The following OR9Q1 variants were observed in gnomAD, a reference collection of about 807,000 sequenced individuals.
OR9Q1 encodes olfactory receptor 9Q1.
For synonymous variants in OR9Q1, 153 were observed against 148.6 expected, an observed-to-expected ratio of 1.03 and a Z score of -0.22; for missense variants, 374 against 378.8, an observed-to-expected ratio of 0.99 and a Z score of 0.11.
At chr11:58,115,355 G>C (rs939623407) in intron 2 of OR9Q1, among the ~76,000 whole-genome samples, 4 of 152,102 alleles carry the variant, frequency 2.6e-5, no homozygotes, top group Non-Finnish European at 5.9e-5. Flanking sequence ...CCTAATTCAA[G>C]AGGATATTGT....
intron 2 of OR9Q1, among the ~76,000 whole-genome samples, chr11:58,113,758 C>T (rs1853924524): frequency 6.6e-6 from 1 of 152,112 alleles, no homozygotes; most frequent in Non-Finnish European, 1.5e-5. Flanking sequence ...TTATGGAAGA[C>T]AGAACTGAAG....
Position 58,070,427 on chromosome 11 carries a change from C to T in OR9Q1, c.-15+14480C>T, listed in dbSNP as rs185463251. ...CCTGGCGTGTACACCGTGTCACCCA[C>T]CACCCCACACACTCCTAGGTGTCTG... On this transcript the variant is annotated intron_variant, in intron 2 of 2. Coordinates refer to ENST00000335397, the MANE Select transcript of OR9Q1 (RefSeq NM_001005212.4). Among the ~76,000 whole-genome samples the T allele has an allele frequency of 3.9e-5, 6 of 152,222 alleles. No homozygotes were observed. In the East Asian group the frequency reaches 7.7e-4, roughly 20 times the overall value.
rs201758440 is a variant in OR9Q1, at chr11:58,104,830, C to T, written c.-15+48883C>T. Among the ~76,000 whole-genome samples, 21 of 152,242 alleles carry T rather than the reference C, an allele frequency of 1.4e-4. No homozygotes were observed. The East Asian group carries it at 3.9e-3, about 28-fold the overall frequency. Reference sequence around the variant, plus strand: ...CAGTATAGCTATTAAAATGGTGGGGCTTCTTTAATCCTGGGTGCCTGAATG... The same window carrying T: ...CAGTATAGCTATTAAAATGGTGGGGTTTCTTTAATCCTGGGTGCCTGAATG... On this transcript the variant is annotated intron_variant, in intron 2 of 2. Coordinates refer to ENST00000335397, the MANE Select transcript of OR9Q1 (RefSeq NM_001005212.4).
At chr11:58,090,158 C>A (rs118111661) in intron 2 of OR9Q1, among the ~76,000 whole-genome samples, 30 of 152,220 alleles carry the variant, frequency 2.0e-4, no homozygotes, top group South Asian at 1.2e-3. Flanking sequence ...TGTCTGATTG[C>A]GCTGGTCAGA....
At chr11:58,122,348 A>G (rs779945522) in intron 2 of OR9Q1, among the ~76,000 whole-genome samples, 4 of 152,190 alleles carry the variant, frequency 2.6e-5, no homozygotes, top group African/African-American at 4.8e-5. Context: ...CCTTCATGGT[A>G]TGGTTCAAGC....
intron 1 of OR9Q1, chr11:58,031,243 T>C: frequency 6.2e-7 from 1 of 1,614,180 alleles, no homozygotes; most frequent in Non-Finnish European, 8.5e-7. Flanking sequence ...AGAATATCTC[T>C]TATGCTGATT....
At chr11:58,137,814 G>A (rs2119858389) in intron 2 of OR9Q1, among the ~76,000 whole-genome samples, 1 of 152,244 alleles carries the variant, frequency 6.6e-6, no homozygotes, top group African/African-American at 2.4e-5. Context: ...ATTGTGAGAA[G>A]TAAATGAGGC....
At chr11:58,091,786 T>C (rs773629898) in intron 2 of OR9Q1, among the ~76,000 whole-genome samples, 3 of 152,194 alleles carry the variant, frequency 2.0e-5, no homozygotes, top group Non-Finnish European at 4.4e-5. Context: ...AGTCTCTTTG[T>C]ATGTCTCTAA....
intron 2 of OR9Q1, among the ~76,000 whole-genome samples, chr11:58,063,952 A>ATTT (rs1853404432): frequency 6.6e-6 from 1 of 152,168 alleles, no homozygotes; most frequent in Non-Finnish European, 1.5e-5. Flanking sequence ...GCAAAGGAGG[A>ATTT]ATGAGATGAT....
chr11:58,065,108 C>G, intron 2 of OR9Q1, among the ~76,000 whole-genome samples: 1 of 152,118 alleles, frequency 6.6e-6, no homozygotes, highest in Non-Finnish European at 1.5e-5. Flanking sequence ...AGGCAGACAC[C>G]TGACAGAGGG....
At chr11:58,138,786 T>C (rs1489670346) in intron 2 of OR9Q1, among the ~76,000 whole-genome samples, 1 of 152,338 alleles carries the variant, frequency 6.6e-6, no homozygotes, top group East Asian at 1.9e-4. Context: ...GTGAGACATT[T>C]AAAATGTACT....
At chr11:58,070,179 T>G (rs1853473641) in intron 2 of OR9Q1, among the ~76,000 whole-genome samples, 2 of 150,092 alleles carry the variant, frequency 1.3e-5, no homozygotes. Context: ...TTTTTGTATT[T>G]TTTTTTTTTT....
At chr11:58,138,816 A>G (rs1854213531) in intron 2 of OR9Q1, among the ~76,000 whole-genome samples, 1 of 152,210 alleles carries the variant, frequency 6.6e-6, no homozygotes, top group South Asian at 2.1e-4. Flanking sequence ...TTTGAAATAT[A>G]CATTATTAAT....
intron 2 of OR9Q1, among the ~76,000 whole-genome samples, chr11:58,153,778 A>G (rs372056054): frequency 3.9e-5 from 6 of 152,134 alleles, no homozygotes; most frequent in Admixed American, 2.6e-4. Flanking sequence ...TGGCTCTCTG[A>G]TTTCCTCAGC....
chr11:58,111,057 C>T (rs1471606187), intron 2 of OR9Q1, among the ~76,000 whole-genome samples: 1 of 152,130 alleles, frequency 6.6e-6, no homozygotes, highest in Non-Finnish European at 1.5e-5. Flanking sequence ...TGAGGCAAAC[C>T]CAAAGTTCTG....
intron 2 of OR9Q1, among the ~76,000 whole-genome samples, chr11:58,156,463 C>T (rs994145182): frequency 6.6e-6 from 1 of 152,070 alleles, no homozygotes; most frequent in Non-Finnish European, 1.5e-5. Flanking sequence ...AATTAAAAGT[C>T]GATGTGTAGG....
chr11:58,060,350 C>T (rs2514205), intron 2 of OR9Q1, among the ~76,000 whole-genome samples: 26,481 of 152,084 alleles, frequency 0.17, 2,387 homozygotes, highest in South Asian at 0.21. Context: ...AAAATCAAGC[C>T]GGTTATTTGC....
chr11:58,115,734 T>A (rs962706305), intron 2 of OR9Q1, among the ~76,000 whole-genome samples: 2 of 152,192 alleles, frequency 1.3e-5, no homozygotes, highest in African/African-American at 4.8e-5. Context: ...TCTGCATATC[T>A]GTTTGTATTT....
At chr11:58,169,577 T>C (rs1407108299) in intron 2 of OR9Q1, among the ~76,000 whole-genome samples, 1 of 152,214 alleles carries the variant, frequency 6.6e-6, no homozygotes, top group African/African-American at 2.4e-5. Flanking sequence ...TTTAACTGAA[T>C]TCAATCTTTT....
Sources: gnomAD v4.1 joint callset for allele counts (sites outside exome capture counted in the v4.1 genomes callset) on GRCh38, gnomAD v4.1.1 for gene constraint, MANE v1.5 for transcripts, NCBI Gene and HGNC (gene_info 2026-07-23, HGNC 2026-07-21) for gene names.